RAB38: variants seen among roughly 807,000 people sequenced by gnomAD.
RAB38 encodes the protein ras-related protein Rab-38.
RAB38 carries 15 observed loss-of-function variants against 18.4 expected under a neutral mutation model. That is an observed-to-expected ratio of 0.82 (90% CI 0.55 to 1.26). The LOEUF is 1.26. RAB38 is among the 50% of genes most tolerant of loss of function. The pLI is 0.00. For missense variants in RAB38, 294 were observed against 267.4 expected (o/e 1.10, Z -0.69); for synonymous variants, 101 against 104.4 (o/e 0.97, Z 0.20).
the RAB38 span, among the ~76,000 whole-genome samples, chr11:87,816,705 GAGAA>G: frequency 6.6e-6 from 1 of 152,068 alleles, no homozygotes; most frequent in Non-Finnish European, 1.5e-5. Flanking sequence ...TGTATAGAGA[GAGAA>G]AGAGAGAGAG....
the RAB38 span, among the ~76,000 whole-genome samples, chr11:88,033,380 T>C: frequency 3.8e-5 from 4 of 104,182 alleles, no homozygotes; most frequent in African/African-American, 5.6e-5. Context: ...AGTACAATAA[T>C]AATAAAAAAA....
At chr11:88,087,529 A>T in the RAB38 span, among the ~76,000 whole-genome samples, 1 of 152,004 alleles carries the variant, frequency 6.6e-6, no homozygotes, top group South Asian at 2.1e-4. Context: ...TCTTTTATTG[A>T]ATGGCACTGC....
chr11:88,013,264 GAT>G, the RAB38 span, among the ~76,000 whole-genome samples: 1 of 152,106 alleles, frequency 6.6e-6, no homozygotes, highest in Admixed American at 6.6e-5. Context: ...TAACAGCCTT[GAT>G]ATTAATTGTC....
the RAB38 span, among the ~76,000 whole-genome samples, chr11:88,074,981 G>A: frequency 6.6e-6 from 1 of 152,184 alleles, no homozygotes; most frequent in African/African-American, 2.4e-5. Flanking sequence ...TAATGATAAA[G>A]GAGTCAATTC....
At position 88,164,257 on chromosome 11, in the gene RAB38, GGT is replaced by G. The variant is rs1491311883; in HGVS notation, c.202+10924_202+10925del. On this transcript the variant is annotated intron_variant, in intron 1 of 2. Transcript: ENST00000243662. ...CCAAAATATATGCCAAGGTGCTCTC[GGT>G]GGGGGGGGGTGCCATGGTGAACTCA... Among the ~76,000 whole-genome samples, 52 of 134,896 alleles carry G rather than the reference GGT, an allele frequency of 3.9e-4. 11 individuals are homozygous for G. Among genetic ancestry groups the G allele is most frequent in the African/African-American group, 1.1e-3 (42 of 36,654 alleles). 88.5% of individuals were successfully genotyped at this position (134,896 alleles called of 152,430 possible). A position where few individuals can be genotyped will look rare whatever the true frequency, so the allele number is the denominator to read the frequency against.
At chr11:88,134,930 G>A (rs1026162443) in intron 2 of RAB38, among the ~76,000 whole-genome samples, 3 of 152,088 alleles carry the variant, frequency 2.0e-5, no homozygotes, top group Non-Finnish European at 2.9e-5. Context: ...CTATCACTCT[G>A]CTATTGCTCA....
the RAB38 span, among the ~76,000 whole-genome samples, chr11:88,102,545 C>T: frequency 6.6e-6 from 1 of 152,034 alleles, no homozygotes; most frequent in Non-Finnish European, 1.5e-5. Flanking sequence ...GCAAGGGACA[C>T]TGAAGTGTAC....
the RAB38 span, among the ~76,000 whole-genome samples, chr11:87,833,908 T>C: frequency 6.6e-6 from 1 of 152,208 alleles, no homozygotes; most frequent in Non-Finnish European, 1.5e-5. Flanking sequence ...AATTTTGCAG[T>C]TGCAATTAAG....
chr11:88,064,475 A>G, the RAB38 span, among the ~76,000 whole-genome samples: 1 of 152,228 alleles, frequency 6.6e-6, no homozygotes, highest in Non-Finnish European at 1.5e-5. Context: ...CAAGTGAAGT[A>G]TGATACTCTG....
the RAB38 span, among the ~76,000 whole-genome samples, chr11:87,940,628 A>T: frequency 6.6e-6 from 1 of 151,992 alleles, no homozygotes; most frequent in African/African-American, 2.4e-5. Context: ...GTGTATATAT[A>T]TGACAGAGAG....
At chr11:88,028,061 C>G in the RAB38 span, among the ~76,000 whole-genome samples, 5 of 152,262 alleles carry the variant, frequency 3.3e-5, no homozygotes, top group Non-Finnish European at 2.9e-5. Flanking sequence ...CAGCAGCATG[C>G]ACGGTTCAAG....
chr11:88,073,024 A>G, the RAB38 span, among the ~76,000 whole-genome samples: 11 of 152,282 alleles, frequency 7.2e-5, no homozygotes, highest in African/African-American at 2.4e-4. Flanking sequence ...ACTACCTCCA[A>G]TCTGCTTGGC....
intron 1 of RAB38, among the ~76,000 whole-genome samples, chr11:88,157,679 C>T (rs936693652): frequency 2.0e-5 from 3 of 151,918 alleles, no homozygotes; most frequent in South Asian, 4.2e-4. Context: ...AAAGCATTAC[C>T]GAAATCTCTC....
chr11:88,053,248 TATATATGGAATATATATATACACACA>T, the RAB38 span, among the ~76,000 whole-genome samples: 1 of 100,986 alleles, frequency 9.9e-6, no homozygotes, highest in Non-Finnish European at 2.0e-5. Flanking sequence ...TATACACACA[TATATATGGAATATATATATACACACA>T]CATATATATG....
At chr11:87,951,174 G>A in the RAB38 span, among the ~76,000 whole-genome samples, 27 of 151,948 alleles carry the variant, frequency 1.8e-4, no homozygotes, top group East Asian at 7.7e-4. Context: ...CCAGTTGATC[G>A]CATCGGCTCC....
At chr11:87,977,406 T>G in the RAB38 span, among the ~76,000 whole-genome samples, 1 of 109,128 alleles carries the variant, frequency 9.2e-6, no homozygotes, top group African/African-American at 3.6e-5. Context: ...TATAATTATA[T>G]TATAAAATAT....
At chr11:87,962,044 C>A in the RAB38 span, among the ~76,000 whole-genome samples, 1 of 151,900 alleles carries the variant, frequency 6.6e-6, no homozygotes, top group Non-Finnish European at 1.5e-5. Flanking sequence ...TAACAAAAAG[C>A]TACCTAATTA....
the RAB38 span, among the ~76,000 whole-genome samples, chr11:88,056,242 A>G: frequency 2.0e-5 from 3 of 152,156 alleles, no homozygotes; most frequent in African/African-American, 7.2e-5. Context: ...TTACAGATAC[A>G]AAGGTGACTA....
chr11:87,882,007 C>A, the RAB38 span, among the ~76,000 whole-genome samples: 1 of 151,846 alleles, frequency 6.6e-6, no homozygotes, highest in African/African-American at 2.4e-5. Flanking sequence ...TAATGCCACT[C>A]TAATCTCCCC....
Sources: allele counts gnomAD v4.1 joint callset (sites outside exome capture counted in the v4.1 genomes callset), GRCh38; gene constraint gnomAD v4.1.1; transcripts MANE v1.5; gene names NCBI Gene and HGNC (gene_info 2026-07-23, HGNC 2026-07-21).